The following TNFRSF19 variants were observed in gnomAD, a reference collection of about 807,000 sequenced individuals.
TNFRSF19 encodes the protein tumor necrosis factor receptor superfamily member 19.
TNFRSF19 carries 27 observed loss-of-function variants against 46.4 expected under a neutral mutation model. The observed-to-expected ratio is 0.58, with a 90% CI of 0.43 to 0.80. The LOEUF (loss-of-function observed/expected upper bound fraction) is 0.80, where lower values mean the gene tolerates loss of function less well. Ranked by LOEUF, TNFRSF19 falls within the 30% of genes least tolerant of loss-of-function variation. The pLI, the probability that TNFRSF19 is intolerant of heterozygous loss-of-function variation, is 0.00. For synonymous variants in TNFRSF19, 204 were observed against 205.0 expected (o/e 1.00, Z 0.04); for missense variants, 511 against 530.8 (o/e 0.96, Z 0.37).
At chr13:23,661,184 C>T (rs1884343830) in intron 7 of TNFRSF19, among the ~76,000 whole-genome samples, 1 of 152,184 alleles carries the variant, frequency 6.6e-6, no homozygotes, top group South Asian at 2.1e-4. Context: ...CTGCTCCTCT[C>T]CCTCCTCCCA....
intron 1 of TNFRSF19, among the ~76,000 whole-genome samples, chr13:23,574,213 A>G (rs962482188): frequency 2.6e-5 from 4 of 152,138 alleles, no homozygotes; most frequent in Non-Finnish European, 5.9e-5. Flanking sequence ...ATTCCTACAT[A>G]TACAAGATTA....
Position 23,659,335 on chromosome 13 carries a change from C to A in TNFRSF19, c.610+121C>A. ...AGCACCAGTGAGTTGTGAAAGAACG[C>A]AGGGCACAAGAAACACAGGTGATCC... On this transcript the variant is annotated intron_variant, in intron 6 of 9. Transcript: ENST00000248484. The surrounding 1 kb of genome is among the most constrained non-coding windows in gnomAD (Gnocchi z 4.9). 1 of 1,101,462 alleles carries A rather than the reference C, an allele frequency of 9.1e-7. No individual in the cohort carries two copies. Among genetic ancestry groups the A allele is most frequent in the Non-Finnish European group, 1.3e-6 (1 of 778,084 alleles). The allele number at this position is 1,101,462 out of a possible 1,614,324, so 68.2% of individuals were successfully genotyped here.
intron 5 of TNFRSF19, among the ~76,000 whole-genome samples, chr13:23,642,597 T>C (rs551289699): frequency 1.3e-5 from 2 of 152,200 alleles, no homozygotes; most frequent in Non-Finnish European, 2.9e-5. Flanking sequence ...ACCATTAATA[T>C]GCAGCATCTT....
chr13:23,573,690 ATG>A (rs936052652), intron 1 of TNFRSF19, among the ~76,000 whole-genome samples: 5 of 152,160 alleles, frequency 3.3e-5, no homozygotes, highest in African/African-American at 7.2e-5. Flanking sequence ...ATGATATGAT[ATG>A]TGTTTCATAT....
At chr13:23,615,739 C>A in intron 3 of TNFRSF19, 128 bp from the exon 4 acceptor site, 1 of 886,244 alleles carries the variant, frequency 1.1e-6, no homozygotes, top group Non-Finnish European at 1.6e-6. Flanking sequence ...GCTGAAAGAG[C>A]TGCCTTTGTG....
rs560444417 is a variant in TNFRSF19, at chr13:23,621,133, G to A, written c.359+5088G>A. ...GGGACTGCCTCCGTCCGTGTGTGCT[G>A]TGTGCCCACTTCACCCTCACCCTAC... On this transcript the variant is annotated intron_variant, in intron 4 of 9. Transcript: ENST00000248484. Among the ~76,000 whole-genome samples, 10 of 152,248 alleles carry A rather than the reference G, an allele frequency of 6.6e-5. No homozygotes were observed. The East Asian group carries it at 1.9e-3, about 29-fold the overall frequency.
At chr13:23,658,906 G>T in intron 5 of TNFRSF19, 144 bp from the exon 6 acceptor site, 2 of 964,536 alleles carry the variant, frequency 2.1e-6, no homozygotes, top group South Asian at 3.0e-5. Context: ...CTGGGTGGAG[G>T]GGGTGCTTGA....
At chr13:23,603,427 A>C (rs1224071748) in intron 3 of TNFRSF19, among the ~76,000 whole-genome samples, 1 of 152,034 alleles carries the variant, frequency 6.6e-6, no homozygotes, top group Non-Finnish European at 1.5e-5. Context: ...ATTATCCACA[A>C]CTTCTTCCAG....
chr13:23,572,320 C>T (rs1017855916), intron 1 of TNFRSF19, among the ~76,000 whole-genome samples: 16 of 151,552 alleles, frequency 1.1e-4, no homozygotes, highest in South Asian at 2.1e-4. Context: ...CCTGCAATAT[C>T]GGTTTAGTTT....
chr13:23,655,216 A>T (rs1883905162), intron 5 of TNFRSF19, among the ~76,000 whole-genome samples: 1 of 152,122 alleles, frequency 6.6e-6, no homozygotes, highest in African/African-American at 2.4e-5. Flanking sequence ...AGGATGTCGT[A>T]CTCGTAATAG....
rs575608784 is a variant in TNFRSF19, at chr13:23,659,904, C to T, written c.611-461C>T. On this transcript the variant is annotated intron_variant, in intron 6 of 9. Transcript: ENST00000248484. The surrounding 1 kb of genome is among the most constrained non-coding windows in gnomAD (Gnocchi z 4.9). ...AGGGAGACAAAATAGATTTACTCTT[C>T]ATTAAGTGGAAGCGGATCATTGTAA... Among the ~76,000 whole-genome samples the T allele has an allele frequency of 2.0e-5, 3 of 152,256 alleles. No individual in the cohort carries two copies. Among genetic ancestry groups the T allele is most frequent in the African/African-American group, 7.2e-5 (3 of 41,550 alleles).
rs780987036 is a variant in TNFRSF19 at position 23,593,434 on chromosome 13, G to T, written c.159G>T (p.Gly53=). The change falls in exon 3 of 10, where the codon GGG becomes GGT. Residue 53 remains glycine (G), a synonymous_variant. Transcript: ENST00000248484. ...SGNCVPCNQC[G]PGMELSKECG... The stretch of plus-strand genomic sequence containing the variant: ...ACTGTGTTCCCTGCAACCAGTGTGG[G>T]CCAGGCATGGAGTTGTCTAAGGTAT... The T allele has an allele frequency of 4.4e-6, 7 of 1,603,314 alleles. No homozygotes were observed. The East Asian group carries it at 1.3e-4, about 31-fold the overall frequency.
intron 1 of TNFRSF19, among the ~76,000 whole-genome samples, chr13:23,587,389 C>T (rs1303780072): frequency 7.4e-4 from 113 of 152,272 alleles, no homozygotes; most frequent in African/African-American, 2.6e-3. Flanking sequence ...ACTCCTAGGC[C>T]AGGCTATGTC....
intron 5 of TNFRSF19, among the ~76,000 whole-genome samples, chr13:23,651,892 C>CAAAAAA: frequency 2.0e-4 from 1 of 4,966 alleles, no homozygotes; most frequent in Non-Finnish European, 4.4e-4. Flanking sequence ...ACATAACATG[C>CAAAAAA]TAAAAAAAAA....
At chr13:23,609,756 G>A (rs899941968) in intron 3 of TNFRSF19, among the ~76,000 whole-genome samples, 1 of 152,110 alleles carries the variant, frequency 6.6e-6, no homozygotes, top group Non-Finnish European at 1.5e-5. Context: ...AACTGTTTTT[G>A]TCTCTATGAG....
chr13:23,665,441 T>C (rs921675472), intron 7 of TNFRSF19, among the ~76,000 whole-genome samples: 2 of 152,204 alleles, frequency 1.3e-5, no homozygotes, highest in Non-Finnish European at 2.9e-5. Flanking sequence ...TTTCAAATGT[T>C]TCCTCCTTAA....
At chr13:23,654,370 C>T (rs1883840461) in intron 5 of TNFRSF19, among the ~76,000 whole-genome samples, 1 of 152,102 alleles carries the variant, frequency 6.6e-6, no homozygotes, top group South Asian at 2.1e-4. Flanking sequence ...ACAGAATGCC[C>T]CCCGCCCCTG....
At chr13:23,582,262 G>T (rs1340109377) in intron 1 of TNFRSF19, among the ~76,000 whole-genome samples, 1 of 150,594 alleles carries the variant, frequency 6.6e-6, no homozygotes, top group Non-Finnish European at 1.5e-5. Context: ...TTAGCCGGGC[G>T]TGGTGGCGGG....
intron 4 of TNFRSF19, among the ~76,000 whole-genome samples, chr13:23,617,004 C>G (rs1036308495): frequency 6.6e-6 from 1 of 152,138 alleles, no homozygotes; most frequent in Non-Finnish European, 1.5e-5. Context: ...GGCATGGCCA[C>G]AGTGAGGGGC....
Sources: allele counts gnomAD v4.1 joint callset (sites outside exome capture counted in the v4.1 genomes callset), GRCh38; gene constraint gnomAD v4.1.1; non-coding constraint Gnocchi (gnomAD v3.1); transcripts MANE v1.5; gene names NCBI Gene and HGNC (gene_info 2026-07-23, HGNC 2026-07-21).